Variants in MAP4K3 observed in about 807,000 individuals in gnomAD.
MAP4K3 encodes the protein MAPK/ERK kinase kinase kinase 3.
A neutral mutation model predicts 143.5 loss-of-function variants in MAP4K3; 94 were observed. The ratio of observed to expected loss-of-function variants is 0.65; its 90% CI spans 0.55 to 0.78. The LOEUF is 0.78. Among genes scored for constraint, MAP4K3 ranks in the 30% least tolerant of loss-of-function variants. The pLI, the probability that MAP4K3 is intolerant of heterozygous loss-of-function variation, is 0.00. For synonymous variants in MAP4K3, 416 were observed against 347.2 expected (o/e 1.20, Z -2.20); for missense variants, 1,077 against 1,068.1 (o/e 1.01, Z -0.12).
chr2:39,412,332 G>A (rs956560474), intron 1 of MAP4K3, among the ~76,000 whole-genome samples: 3 of 151,992 alleles, frequency 2.0e-5, no homozygotes, highest in Admixed American at 1.3e-4. Context: ...AATTAATGTC[G>A]TCCCCCAAAA....
At chr2:39,326,033 C>T in intron 9 of MAP4K3, 72 bp from the exon 10 acceptor site, 1 of 1,474,124 alleles carries the variant, frequency 6.8e-7, no homozygotes, top group South Asian at 1.2e-5. Flanking sequence ...AATTCTATTA[C>T]TATTTGTTCC....
intron 27 of MAP4K3, among the ~76,000 whole-genome samples, chr2:39,266,287 T>C (rs952666070): frequency 1.3e-5 from 2 of 152,170 alleles, no homozygotes; most frequent in Non-Finnish European, 2.9e-5. Flanking sequence ...CTCAGTCATC[T>C]CTGACATCTT....
chr2:39,339,490 A>G (rs1418733912), intron 4 of MAP4K3, among the ~76,000 whole-genome samples: 1 of 152,220 alleles, frequency 6.6e-6, no homozygotes, highest in Non-Finnish European at 1.5e-5. Context: ...ACTGTGAAAG[A>G]ATATTCTAGC....
At chr2:39,322,147 T>C (rs1394345185) in intron 12 of MAP4K3, among the ~76,000 whole-genome samples, 1 of 152,216 alleles carries the variant, frequency 6.6e-6, no homozygotes, top group Non-Finnish European at 1.5e-5. Context: ...ATGAGGATAC[T>C]GAGACTTAAA....
intron 7 of MAP4K3, among the ~76,000 whole-genome samples, chr2:39,332,818 C>A (rs1396956251): frequency 6.6e-6 from 1 of 151,930 alleles, no homozygotes; most frequent in African/African-American, 2.4e-5. Context: ...TCTGATTAAT[C>A]TCACAGGTTA....
At chr2:39,387,250 T>C (rs1325851600) in intron 1 of MAP4K3, among the ~76,000 whole-genome samples, 1 of 151,930 alleles carries the variant, frequency 6.6e-6, no homozygotes, top group African/African-American at 2.4e-5. Context: ...AGCCAGCTTG[T>C]CTGTTTAAAA....
chr2:39,378,166 C>T, intron 1 of MAP4K3, 43 bp from the exon 2 acceptor site: 1 of 1,120,026 alleles, frequency 8.9e-7, no homozygotes, highest in South Asian at 1.5e-5. Context: ...AGAAAGCTTT[C>T]ATAAAAAGTG....
intron 31 of MAP4K3, among the ~76,000 whole-genome samples, chr2:39,256,323 A>G (rs1680342334): frequency 6.6e-6 from 1 of 152,218 alleles, no homozygotes. Context: ...AAATGTGATA[A>G]TAGCAAACAT....
intron 23 of MAP4K3, among the ~76,000 whole-genome samples, chr2:39,279,032 TTTTG>T (rs745805846): frequency 3.9e-5 from 6 of 152,174 alleles, no homozygotes; most frequent in South Asian, 2.1e-4. Flanking sequence ...CTTTCCATTT[TTTTG>T]TTTGTTTGTT....
intron 1 of MAP4K3, among the ~76,000 whole-genome samples, chr2:39,387,714 C>A (rs774664498): frequency 6.6e-6 from 1 of 152,256 alleles, no homozygotes; most frequent in East Asian, 1.9e-4. Context: ...AATTACAAGA[C>A]CATAAGAAAA....
chr2:39,353,780 G>A (rs963481028), intron 3 of MAP4K3, among the ~76,000 whole-genome samples: 2 of 152,290 alleles, frequency 1.3e-5, no homozygotes, highest in Admixed American at 6.5e-5. Flanking sequence ...AGTAGTAGTA[G>A]CAGCGGCAAA....
chr2:39,325,764 G>A lies in MAP4K3; in HGVS notation c.773C>T (p.Pro258Leu), dbSNP rs750739897. The change falls in exon 11 of 34, where the codon CCG (proline) becomes CTG (leucine). Residue 258 changes from proline to leucine, a missense_variant. By Grantham distance (98) the Pro-to-Leu change is moderately conservative. Coordinates refer to ENST00000263881, the MANE Select transcript of MAP4K3 (RefSeq NM_003618.4). ...TTTTTCAGCAGTAGGTCTTTTTTTC[G>A]GATTTTTGGTAAGTGCCATTTTCAC... ...HFVKMALTKNPKKRPTAEKLL... is the reference protein window; with the variant it reads ...HFVKMALTKNLKKRPTAEKLL... 5 of 1,608,046 alleles carry A rather than the reference G, an allele frequency of 3.1e-6. No individual in the cohort carries two copies. Among genetic ancestry groups the A allele is most frequent in the Middle Eastern group, 1.7e-4 (1 of 6,014 alleles).
intron 1 of MAP4K3, among the ~76,000 whole-genome samples, chr2:39,430,288 CAAAA>C (rs1665245901): frequency 6.6e-6 from 1 of 151,984 alleles, no homozygotes; most frequent in Admixed American, 6.6e-5. Flanking sequence ...CTTAAACAAA[CAAAA>C]TAAGTGTCTT....
intron 1 of MAP4K3, among the ~76,000 whole-genome samples, chr2:39,424,246 G>C (rs899910591): frequency 1.3e-5 from 2 of 152,088 alleles, no homozygotes; most frequent in Non-Finnish European, 2.9e-5. Context: ...GCCCGGCCTG[G>C]TTCATCAATT....
chr2:39,428,575 C>A (rs535129061), intron 1 of MAP4K3, among the ~76,000 whole-genome samples: 54 of 152,036 alleles, frequency 3.6e-4, no homozygotes, highest in African/African-American at 1.3e-3. Flanking sequence ...ACTCGGGAGG[C>A]TGAGGCAGGA....
chr2:39,417,694 T>C (rs896140249), intron 1 of MAP4K3, among the ~76,000 whole-genome samples: 1 of 152,212 alleles, frequency 6.6e-6, no homozygotes, highest in Non-Finnish European at 1.5e-5. Context: ...TTTAGCAATA[T>C]ATACACGTAT....
At chr2:39,434,374 G>A (rs1046849998) in intron 1 of MAP4K3, among the ~76,000 whole-genome samples, 1 of 152,110 alleles carries the variant, frequency 6.6e-6, no homozygotes, top group Admixed American at 6.6e-5. Flanking sequence ...GGTACATGAT[G>A]TCAAGAACCA....
intron 2 of MAP4K3, among the ~76,000 whole-genome samples, chr2:39,371,034 A>G (rs1031128277): frequency 1.3e-5 from 2 of 152,088 alleles, no homozygotes; most frequent in African/African-American, 4.8e-5. Context: ...TTTTTCCCAA[A>G]TAAGTCTCAA....
rs570853243 is a variant in MAP4K3 at position 39,337,752 on chromosome 2, G to GTTTTTTTTTTTTTTTTTTTTTT, written c.311-193_311-172dup. ...TACTGTCCTACTGTGCCTGGCTCCAGTTTTTTTTTTTTTTTTTTTTTTTTT... is the reference window on the plus strand; with the variant it reads ...TACTGTCCTACTGTGCCTGGCTCCAGTTTTTTTTTTTTTTTTTTTTTTTTTTTTTTTTTTTTTTTTTTTTTTT... On this transcript the variant is annotated intron_variant, in intron 4 of 33. Coordinates refer to ENST00000263881, the MANE Select transcript of MAP4K3 (RefSeq NM_003618.4). Among the ~76,000 whole-genome samples, 2 of 70,512 alleles carry GTTTTTTTTTTTTTTTTTTTTTT rather than the reference G, an allele frequency of 2.8e-5. 1 individual carries two copies. The highest frequency in any genetic ancestry group is 1.2e-4 in the African/African-American group (2 of 16,472). 46.3% of individuals were successfully genotyped at this position (70,512 alleles called of 152,430 possible).
Sources: gnomAD v4.1 joint callset for allele counts (sites outside exome capture counted in the v4.1 genomes callset) on GRCh38, gnomAD v4.1.1 for gene constraint, MANE v1.5 for transcripts, NCBI Gene and HGNC (gene_info 2026-07-23, HGNC 2026-07-21) for gene names.